The following ANKRD11 variants were observed in gnomAD, a reference collection of about 807,000 sequenced individuals.
ANKRD11 encodes the protein ankyrin repeat domain 11, also known as ankyrin repeat domain-containing protein 11.
A neutral mutation model predicts 195.7 loss-of-function variants in ANKRD11; 17 were observed. The ratio of observed to expected loss-of-function variants is 0.09; its 90% confidence interval spans 0.06 to 0.13. The LOEUF (loss-of-function observed/expected upper bound fraction) is 0.13. ANKRD11 is among the 10% of genes least tolerant of loss of function. The pLI, the probability that ANKRD11 is intolerant of heterozygous loss-of-function variation, is 1.00. For synonymous variants in ANKRD11, 1,953 were observed against 1,528.1 expected, an observed-to-expected ratio of 1.28 and a Z score of -6.49; for missense variants, 3,735 against 3,566.1, an observed-to-expected ratio of 1.05 and a Z score of -1.21.
chr16:89,295,724 A>C (rs2035372315), intron 4 of ANKRD11, among the ~76,000 whole-genome samples: 2 of 150,434 alleles, frequency 1.3e-5, no homozygotes, highest in African/African-American at 4.9e-5. Flanking sequence ...GGCTCTGTGC[A>C]GGTGGGATGG....
chr16:89,467,199 C>A (rs938437134), intron 1 of ANKRD11, among the ~76,000 whole-genome samples: 2 of 151,278 alleles, frequency 1.3e-5, no homozygotes, highest in Non-Finnish European at 2.9e-5. Context: ...GGGGAGGCCA[C>A]AGCAGGTGGA....
At chr16:89,404,109 G>T (rs765370507) in intron 2 of ANKRD11, among the ~76,000 whole-genome samples, 4 of 152,212 alleles carry the variant, frequency 2.6e-5, no homozygotes, top group Non-Finnish European at 5.9e-5. Flanking sequence ...CCCGGCACAT[G>T]ATTGTGAAGA....
chr16:89,316,045 G>T (rs570679950), intron 3 of ANKRD11, among the ~76,000 whole-genome samples: 1 of 152,074 alleles, frequency 6.6e-6, no homozygotes, highest in African/African-American at 2.4e-5. Context: ...GGTCACAGAT[G>T]AACGGCCTGC....
intron 2 of ANKRD11, among the ~76,000 whole-genome samples, chr16:89,331,948 C>T (rs189032600): frequency 1.5e-4 from 23 of 152,260 alleles, no homozygotes; most frequent in African/African-American, 5.5e-4. Flanking sequence ...CCACTGTGTT[C>T]ACCACACTCT....
rs1284725658 is a variant in ANKRD11 at position 89,284,370 on chromosome 16, T to A, written c.2172A>T (p.Thr724=). The A allele has an allele frequency of 1.2e-6, 2 of 1,613,908 alleles. No individual in the cohort carries two copies. The highest frequency in any genetic ancestry group is 2.2e-5 in the South Asian group (2 of 91,072). The change falls in exon 9 of 13, where the codon ACA becomes ACT. Residue 724 remains threonine, a synonymous_variant. Coordinates refer to ENST00000301030, the MANE Select transcript of ANKRD11 (RefSeq NM_013275.6). ...DEKSLKRIKD[T]NKDISRSFRE... The stretch of plus-strand genomic sequence containing the variant: ...GGAAAGACCTGCTGATGTCTTTGTT[T>A]GTGTCTTTGATTCTCTTCAGTGATT...
intron 2 of ANKRD11, among the ~76,000 whole-genome samples, chr16:89,395,193 T>C (rs1452236566): frequency 2.0e-5 from 3 of 152,162 alleles, no homozygotes; most frequent in Non-Finnish European, 4.4e-5. Flanking sequence ...AGAGGCTTGG[T>C]CAATTTTAAG....
chr16:89,313,872 G>A (rs1273558069), intron 3 of ANKRD11, among the ~76,000 whole-genome samples: 2 of 152,200 alleles, frequency 1.3e-5, no homozygotes, highest in Non-Finnish European at 2.9e-5. Context: ...CCTGTAATGC[G>A]TTTAAAATTT....
At chr16:89,358,888 C>G (rs1037120705) in intron 2 of ANKRD11, among the ~76,000 whole-genome samples, 2 of 152,016 alleles carry the variant, frequency 1.3e-5, no homozygotes, top group African/African-American at 2.4e-5. Context: ...CGCAGTGGTG[C>G]GATCATGGCT....
chr16:89,446,068 G>C (rs559547914), intron 1 of ANKRD11, among the ~76,000 whole-genome samples: 2 of 145,350 alleles, frequency 1.4e-5, no homozygotes, highest in South Asian at 4.4e-4. Context: ...GCTTTGTTTT[G>C]TTCTTCAGAT....
chr16:89,406,646 G>A (rs1190138487), intron 2 of ANKRD11, among the ~76,000 whole-genome samples: 1 of 152,162 alleles, frequency 6.6e-6, no homozygotes, highest in Non-Finnish European at 1.5e-5. Flanking sequence ...CAGACACAGG[G>A]TTTTAGTTAA....
intron 2 of ANKRD11, among the ~76,000 whole-genome samples, chr16:89,391,054 C>G (rs182982506): frequency 1.2e-4 from 19 of 152,112 alleles, no homozygotes; most frequent in East Asian, 7.7e-4. Context: ...CGGTGAAACC[C>G]CATCTCTACT....
At chr16:89,426,039 A>G (rs534382282) in intron 1 of ANKRD11, among the ~76,000 whole-genome samples, 1 of 152,248 alleles carries the variant, frequency 6.6e-6, no homozygotes, top group South Asian at 2.1e-4. Flanking sequence ...CCTGATAGGA[A>G]TCAAACTCCT....
intron 1 of ANKRD11, among the ~76,000 whole-genome samples, chr16:89,427,270 T>C (rs1419759020): frequency 2.0e-5 from 3 of 152,104 alleles, no homozygotes; most frequent in East Asian, 3.8e-4. Flanking sequence ...AAGACCTAAA[T>C]AAGTGGAGGG....
At position 89,285,103 on chromosome 16, in the gene ANKRD11, T is replaced by A. The variant is rs2034554421; in HGVS notation, c.1439A>T (p.Glu480Val). ...GKRSDKFCSS[E>V]SESESSESGE... ...ACTCTCTGAGGACTCGCTCTCCGAC[T>A]CCGAGGAGCAGAACTTGTCGCTCCG... The change falls in exon 9 of 13, where the codon GAG becomes GTG. Residue 480 changes from glutamate to valine, a missense_variant. Physicochemically the swap from Glu to Val is moderately radical, Grantham distance 121. Coordinates refer to ENST00000301030, the MANE Select transcript of ANKRD11 (RefSeq NM_013275.6). The surrounding 1 kb of genome is among the most constrained non-coding windows in gnomAD (Gnocchi z 5.6). The A allele has an allele frequency of 6.2e-7, 1 of 1,613,620 alleles. No individual in the cohort carries two copies. The highest frequency in any genetic ancestry group is 1.3e-5 in the African/African-American group (1 of 74,928).
chr16:89,284,171 T>C lies in ANKRD11; in HGVS notation c.2371A>G (p.Lys791Glu). Residue 791 changes from lysine (K) to glutamate (E), a missense_variant, in exon 9 of 13, where the codon AAG becomes GAG. Coordinates refer to ENST00000301030, the MANE Select transcript of ANKRD11 (RefSeq NM_013275.6). ...TTATCTTCTTTAAAAATCTTCTCCTTCTCTTTTGAAATTTTGTCCTCTTTT... is the reference window on the plus strand; with the variant it reads ...TTATCTTCTTTAAAAATCTTCTCCTCCTCTTTTGAAATTTTGTCCTCTTTT... Reference protein sequence around the residue: ...DLKEDKISKEKEKIFKEDKEK... With the variant: ...DLKEDKISKEEEKIFKEDKEK... 1 of 1,605,466 alleles carries C rather than the reference T, an allele frequency of 6.2e-7. No individual in the cohort carries two copies. The highest frequency in any genetic ancestry group is 8.5e-7 in the Non-Finnish European group (1 of 1,177,962).
chr16:89,372,845 T>C (rs2040253826), intron 2 of ANKRD11: 1 of 152,196 alleles, frequency 6.6e-6, no homozygotes, highest in African/African-American at 2.4e-5. Context: ...AGTTACTTCC[T>C]ACAGCTCCTG....
chr16:89,456,373 AC>A (rs2056435763), intron 1 of ANKRD11, among the ~76,000 whole-genome samples: 1 of 150,084 alleles, frequency 6.7e-6, no homozygotes, highest in Non-Finnish European at 1.5e-5. Context: ...ACATGGAAAA[AC>A]CCTGTCTCTA....
At chr16:89,334,536 C>A (rs564872239) in intron 2 of ANKRD11, among the ~76,000 whole-genome samples, 1 of 152,152 alleles carries the variant, frequency 6.6e-6, no homozygotes. Flanking sequence ...AAACACCCCA[C>A]CCATGTGGGC....
rs527837226 is a variant in ANKRD11 at position 89,291,824 on chromosome 16, C to T, written c.227-641G>A. 26 of 1,253,920 alleles carry T rather than the reference C, an allele frequency of 2.1e-5. No homozygotes were observed. The highest frequency in any genetic ancestry group is 5.6e-5 in the East Asian group (1 of 17,836). 77.7% of individuals were successfully genotyped at this position (1,253,920 alleles called of 1,614,324 possible). On this transcript the variant is annotated intron_variant, in intron 4 of 12. Transcript: ENST00000301030. The surrounding 1 kb of genome is among the most constrained non-coding windows in gnomAD (Gnocchi z 5.3). ...ACTAACAAGACACGGTGTGAGAGCT[C>T]GGCTGTTTCCACCTCAGCCTCCTCG...
Sources: allele counts gnomAD v4.1 joint callset (sites outside exome capture counted in the v4.1 genomes callset), GRCh38; gene constraint gnomAD v4.1.1; non-coding constraint Gnocchi (gnomAD v3.1); transcripts MANE v1.5; gene names NCBI Gene and HGNC (gene_info 2026-07-23, HGNC 2026-07-21).